Variants in FAM13A observed in about 807,000 individuals in gnomAD.
FAM13A encodes the protein protein FAM13A.
Under a neutral mutation model 129.6 loss-of-function variants are expected in FAM13A, and 76 were observed. That is an observed-to-expected ratio of 0.59 (90% CI 0.49 to 0.71). The LOEUF is 0.71. Among genes scored for constraint, FAM13A ranks in the 30% least tolerant of loss-of-function variants. The pLI is 0.00. For missense variants in FAM13A, 1,108 were observed against 1,249.3 expected, an observed-to-expected ratio of 0.89 and a Z score of 1.70; for synonymous variants, 443 against 449.9, an observed-to-expected ratio of 0.98 and a Z score of 0.20.
chr4:89,054,504 G>C (rs1771986408), intron 1 of FAM13A, among the ~76,000 whole-genome samples: 2 of 152,110 alleles, frequency 1.3e-5, no homozygotes, highest in South Asian at 4.1e-4. Flanking sequence ...AAATGTCTCA[G>C]AAATAAGCCT....
At chr4:88,748,874 G>T in intron 17 of FAM13A, 78 bp downstream of exon 17, 1 of 978,410 alleles carries the variant, frequency 1.0e-6, no homozygotes, top group Non-Finnish European at 1.7e-6. Context: ...CTTAGCAGTG[G>T]CACTCAGTGG....
At chr4:88,921,351 T>C (rs1751051973) in intron 5 of FAM13A, among the ~76,000 whole-genome samples, 1 of 152,170 alleles carries the variant, frequency 6.6e-6, no homozygotes, top group South Asian at 2.1e-4. Flanking sequence ...ACAGCGGATC[T>C]CTCGGCAGAA....
At chr4:88,949,635 G>C (rs1352151297) in intron 4 of FAM13A, among the ~76,000 whole-genome samples, 2 of 152,068 alleles carry the variant, frequency 1.3e-5, no homozygotes, top group African/African-American at 4.8e-5. Flanking sequence ...TTTTTCAAAA[G>C]ATAACATTCA....
At chr4:88,850,529 C>T (rs1403271431) in intron 7 of FAM13A, among the ~76,000 whole-genome samples, 1 of 152,068 alleles carries the variant, frequency 6.6e-6, no homozygotes, top group Non-Finnish European at 1.5e-5. Context: ...TGCACTCCAG[C>T]CTGGGCAACA....
rs374486381 is a variant in FAM13A, at chr4:88,745,633, G to A, written c.2466+1299C>T. Among the ~76,000 whole-genome samples, 22 of 152,280 alleles carry A rather than the reference G, an allele frequency of 1.4e-4. No individual in the cohort carries two copies. In the East Asian group the frequency reaches 1.9e-3, roughly 13 times the overall value. On this transcript the variant is annotated intron_variant, in intron 19 of 23. Transcript: ENST00000264344. ...TATTGTGGAGAAGGAGTGTCTCTCT[G>A]ATAAAAGAAGTTCACTTCTGCCTCT...
At chr4:89,041,906 C>T (rs1428219863) in intron 1 of FAM13A, among the ~76,000 whole-genome samples, 1 of 150,862 alleles carries the variant, frequency 6.6e-6, no homozygotes, top group Non-Finnish European at 1.5e-5. Context: ...GGTGACAGAG[C>T]AAGACTCTGC....
intron 7 of FAM13A, among the ~76,000 whole-genome samples, chr4:88,848,183 G>A (rs548977839): frequency 4.6e-5 from 7 of 152,052 alleles, no homozygotes; most frequent in Non-Finnish European, 1.0e-4. Flanking sequence ...TTCTTCTATT[G>A]CTTATGACCT....
intron 14 of FAM13A, among the ~76,000 whole-genome samples, chr4:88,752,654 C>T (rs1742861254): frequency 6.6e-6 from 1 of 152,120 alleles, no homozygotes; most frequent in South Asian, 2.1e-4. Flanking sequence ...TATCGGTCTG[C>T]TCCTCCTAAG....
At chr4:88,813,861 C>T (rs541554915) in intron 7 of FAM13A, among the ~76,000 whole-genome samples, 30 of 152,238 alleles carry the variant, frequency 2.0e-4, no homozygotes, top group African/African-American at 6.5e-4. Flanking sequence ...AGACTTTGGG[C>T]GCTTCCACAA....
chr4:88,773,422 T>G (rs1721080744), intron 11 of FAM13A, among the ~76,000 whole-genome samples: 1 of 152,196 alleles, frequency 6.6e-6, no homozygotes. Context: ...CCCATCAAGG[T>G]AGCTGTGGGT....
intron 7 of FAM13A, among the ~76,000 whole-genome samples, chr4:88,843,253 C>T (rs931954718): frequency 5.3e-5 from 8 of 152,186 alleles, no homozygotes; most frequent in African/African-American, 1.9e-4. Context: ...CATGCTGAAG[C>T]GCACGCTGTG....
intron 3 of FAM13A, among the ~76,000 whole-genome samples, chr4:89,016,188 TAA>T (rs36022028): frequency 3.3e-5 from 4 of 120,584 alleles, no homozygotes; most frequent in African/African-American, 5.7e-5. Flanking sequence ...TGCCTTAGTT[TAA>T]AAAAAAAAAA....
At chr4:88,901,362 A>G (rs576379476) in intron 6 of FAM13A, among the ~76,000 whole-genome samples, 1 of 152,218 alleles carries the variant, frequency 6.6e-6, no homozygotes, top group East Asian at 1.9e-4. Flanking sequence ...ACCACACAGC[A>G]CTTTCTTTAA....
intron 14 of FAM13A, among the ~76,000 whole-genome samples, chr4:88,751,609 T>C (rs1444516410): frequency 2.8e-5 from 1 of 35,492 alleles, no homozygotes; most frequent in African/African-American, 8.1e-5. Context: ...TTAGATAATC[T>C]GTTAAAAAAA....
intron 8 of FAM13A, among the ~76,000 whole-genome samples, chr4:88,798,588 T>C (rs1339926395): frequency 6.6e-6 from 1 of 152,198 alleles, no homozygotes; most frequent in Admixed American, 6.5e-5. Context: ...TGTGGCTATC[T>C]GTATTGTTTA....
At chr4:88,790,964 G>A (rs1725018153) in intron 8 of FAM13A, among the ~76,000 whole-genome samples, 1 of 151,966 alleles carries the variant, frequency 6.6e-6, no homozygotes. Flanking sequence ...GTTAATTGTG[G>A]CCATGTGCCT....
At chr4:88,867,754 A>G (rs1740699142) in intron 6 of FAM13A, among the ~76,000 whole-genome samples, 2 of 152,260 alleles carry the variant, frequency 1.3e-5, no homozygotes. Context: ...CAACAAATTT[A>G]TATATAATTT....
intron 1 of FAM13A, among the ~76,000 whole-genome samples, chr4:89,042,980 G>A (rs1361896501): frequency 3.9e-5 from 6 of 152,198 alleles, no homozygotes; most frequent in African/African-American, 1.4e-4. Flanking sequence ...AAACCACACA[G>A]ATGAAGACGA....
intron 7 of FAM13A, among the ~76,000 whole-genome samples, chr4:88,833,307 A>C (rs992085623): frequency 6.6e-6 from 1 of 152,114 alleles, no homozygotes; most frequent in African/African-American, 2.4e-5. Context: ...AGGTGCTGCA[A>C]ACCACCATGG....
Sources: gnomAD v4.1 joint callset for allele counts (sites outside exome capture counted in the v4.1 genomes callset) on GRCh38, gnomAD v4.1.1 for gene constraint, MANE v1.5 for transcripts, NCBI Gene and HGNC (gene_info 2026-07-23, HGNC 2026-07-21) for gene names.